The following FBLN1 variants were observed in gnomAD, a reference collection of about 807,000 sequenced individuals.
FBLN1 encodes fibulin 1, also known as fibulin-1.
A neutral mutation model predicts 89.7 loss-of-function variants in FBLN1; 34 were observed. That is an observed-to-expected ratio of 0.38 (90% CI 0.29 to 0.50). The LOEUF is 0.50. Ranked by LOEUF, FBLN1 falls within the 20% of genes least tolerant of loss-of-function variation. The pLI is 0.92. For missense variants in FBLN1, 777 were observed against 988.1 expected (o/e 0.79, Z 2.86); for synonymous variants, 393 against 391.3 (o/e 1.00, Z -0.05).
intron 8 of FBLN1, among the ~76,000 whole-genome samples, chr22:45,540,467 T>C (rs1018209535): frequency 3.3e-5 from 5 of 152,132 alleles, no homozygotes; most frequent in Admixed American, 2.6e-4. Context: ...TGACTTACGC[T>C]CAGGGGTCTT....
chr22:45,588,813 C>CAA lies in FBLN1; in HGVS notation c.1973-11480_1973-11479dup, dbSNP rs10714602. ...GTAGAGGCATGTTGTGCAAAATTAG[C>CAA]AAAAAAAAAAAAAAAGGAATGACGA... On this transcript the variant is annotated intron_variant, in intron 16 of 16. Coordinates refer to ENST00000327858, the MANE Select transcript of FBLN1 (RefSeq NM_006486.3). The surrounding 1 kb of genome is among the most constrained non-coding windows in gnomAD (Gnocchi z 5.1). Among the ~76,000 whole-genome samples the CAA allele has an allele frequency of 0.15, 21,070 of 138,610 alleles. 2,035 individuals carry two copies. Among genetic ancestry groups the CAA allele is most frequent in the African/African-American group, 0.27 (10,319 of 38,008 alleles). 90.9% of individuals were successfully genotyped at this position (138,610 alleles called of 152,430 possible).
Position 45,600,556 on chromosome 22 carries a change from T to C in FBLN1, c.*110T>C. ...TCAGACTTTTTTAATGTTAGGTATT[T>C]GTAGCATTAGGCCAACATGTATTAA... On this transcript the variant is annotated 3_prime_UTR_variant, in exon 17 of 17. Transcript: ENST00000327858. 7.9e-7 allele frequency: 1 copy of C among 1,269,166 alleles called. No homozygotes were observed. Among genetic ancestry groups the C allele is most frequent in the Non-Finnish European group, 1.2e-6 (1 of 868,110 alleles). 78.6% of individuals were successfully genotyped at this position (1,269,166 alleles called of 1,614,324 possible).
At position 45,574,950 on chromosome 22, in the gene FBLN1, C is replaced by T. The variant is rs1184199963; in HGVS notation, c.1840+297C>T. On this transcript the variant is annotated intron_variant, in intron 15 of 16. Coordinates refer to ENST00000327858, the MANE Select transcript of FBLN1 (RefSeq NM_006486.3). This position sits in a 1 kb window ranked among gnomAD's most constrained non-coding sequence, Gnocchi z 4.1. ...GCGCCCGCCACCACGCCTGGCTAAT[C>T]TTTTTGTATTTTTAGTAAAGACGGG... Among the ~76,000 whole-genome samples the T allele has an allele frequency of 6.6e-6, 1 of 151,712 alleles. No homozygotes were observed. The highest frequency in any genetic ancestry group is 1.5e-5 in the Non-Finnish European group (1 of 67,914).
rs1402227806 is a variant in FBLN1, at chr22:45,557,103, GCT to G, written c.1697+6489_1697+6490del. Among the ~76,000 whole-genome samples, 1 of 152,138 alleles carries G rather than the reference GCT, an allele frequency of 6.6e-6. No homozygotes were observed. Among genetic ancestry groups the G allele is most frequent in the Non-Finnish European group, 1.5e-5 (1 of 68,036 alleles). On this transcript the variant is annotated intron_variant, in intron 14 of 16. Coordinates refer to ENST00000327858, the MANE Select transcript of FBLN1 (RefSeq NM_006486.3). This position sits in a 1 kb window ranked among gnomAD's most constrained non-coding sequence, Gnocchi z 4.9. ...ATTCCACTATCCTATCAATCTACCT[GCT>G]TCACGACGATGGGGAACATGGTAAA...
chr22:45,544,210 C>T (rs924586883), intron 11 of FBLN1, among the ~76,000 whole-genome samples: 2 of 152,156 alleles, frequency 1.3e-5, no homozygotes, highest in Admixed American at 1.3e-4. Flanking sequence ...CCTCAGCCTC[C>T]CGAATAGCTG....
At chr22:45,558,977 T>A (rs920660026) in intron 14 of FBLN1, among the ~76,000 whole-genome samples, 1 of 152,248 alleles carries the variant, frequency 6.6e-6, no homozygotes, top group African/African-American at 2.4e-5. Flanking sequence ...GCGTGATATC[T>A]TGCAGAAGCG....
At position 45,561,046 on chromosome 22, in the gene FBLN1, A is replaced by G. The variant is rs1306645498; in HGVS notation, c.1697+10431A>G. On this transcript the variant is annotated intron_variant, in intron 14 of 16. Coordinates refer to ENST00000327858, the MANE Select transcript of FBLN1 (RefSeq NM_006486.3). The surrounding 1 kb of genome is among the most constrained non-coding windows in gnomAD (Gnocchi z 4.7). The stretch of plus-strand genomic sequence containing the variant: ...CTGTTTCTTCTGGCAAAAAAGATTC[A>G]TCAGAGTTTATAAACTCAGTGTCCC... 1.3e-5 allele frequency among the ~76,000 whole-genome samples: 2 copies of G among 152,188 alleles called. No homozygotes were observed. Among genetic ancestry groups the G allele is most frequent in the Non-Finnish European group, 2.9e-5 (2 of 68,028 alleles).
chr22:45,586,535 T>A (rs554215747), intron 16 of FBLN1, among the ~76,000 whole-genome samples: 1 of 152,346 alleles, frequency 6.6e-6, no homozygotes, highest in East Asian at 1.9e-4. Flanking sequence ...AAGCCAAACT[T>A]GAGACGTCTG....
rs1178992991 is a variant in FBLN1, at chr22:45,530,392, G to T, written c.485-873G>T. Among the ~76,000 whole-genome samples, 3 of 151,808 alleles carry T rather than the reference G, an allele frequency of 2.0e-5. No individual in the cohort carries two copies. Among genetic ancestry groups the T allele is most frequent in the Non-Finnish European group, 4.4e-5 (3 of 67,952 alleles). On this transcript the variant is annotated intron_variant, in intron 4 of 16. Coordinates refer to ENST00000327858, the MANE Select transcript of FBLN1 (RefSeq NM_006486.3). This position sits in a 1 kb window ranked among gnomAD's most constrained non-coding sequence, Gnocchi z 5.4. ...TCAGTCCTTGCCCCAGACTATCCTC[G>T]CATGCTCCCTCCTCTGGGAGGGCTT...
Position 45,545,356 on chromosome 22 carries a change from G to A in FBLN1, c.1322-1729G>A, listed in dbSNP as rs563581822. Among the ~76,000 whole-genome samples the A allele has an allele frequency of 6.6e-6, 1 of 152,276 alleles. No individual in the cohort carries two copies. The highest frequency in any genetic ancestry group is 1.5e-5 in the Non-Finnish European group (1 of 68,028). ...CCATAGGGGGTTGTGAGGATGAAACGAGATTAAGCATGTGAAGAGCTTATC... is the reference window on the plus strand; with the variant it reads ...CCATAGGGGGTTGTGAGGATGAAACAAGATTAAGCATGTGAAGAGCTTATC... On this transcript the variant is annotated intron_variant, in intron 11 of 16. Transcript: ENST00000327858. This position sits in a 1 kb window ranked among gnomAD's most constrained non-coding sequence, Gnocchi z 5.9.
chr22:45,557,100 C>T lies in FBLN1; in HGVS notation c.1697+6485C>T, dbSNP rs1325150829. On this transcript the variant is annotated intron_variant, in intron 14 of 16. Transcript: ENST00000327858. The surrounding 1 kb of genome is among the most constrained non-coding windows in gnomAD (Gnocchi z 4.9). ...GCCATTCCACTATCCTATCAATCTACCTGCTTCACGACGATGGGGAACATG... is the reference window on the plus strand; with the variant it reads ...GCCATTCCACTATCCTATCAATCTATCTGCTTCACGACGATGGGGAACATG... 6.6e-6 allele frequency among the ~76,000 whole-genome samples: 1 copy of T among 152,186 alleles called. No homozygotes were observed. Among genetic ancestry groups the T allele is most frequent in the Admixed American group, 6.5e-5 (1 of 15,286 alleles).
chr22:45,525,277 A>C (rs2088310353), intron 2 of FBLN1, among the ~76,000 whole-genome samples: 1 of 152,234 alleles, frequency 6.6e-6, no homozygotes, highest in South Asian at 2.1e-4. Flanking sequence ...CTGGTCTCGA[A>C]TTCCTGGGCT....
rs758296180 is a variant in FBLN1 at position 45,531,362 on chromosome 22, C to T, written c.544+38C>T. ...CGTCTCCCATCAGTTGGTATTTAAA[C>T]AAACCCCAAGGGGCCAGCAAGGTGG... is the stretch of plus-strand genomic sequence containing the variant. On this transcript the variant is annotated intron_variant, in intron 5 of 16. Coordinates refer to ENST00000327858, the MANE Select transcript of FBLN1 (RefSeq NM_006486.3). The surrounding 1 kb of genome is among the most constrained non-coding windows in gnomAD (Gnocchi z 4.9). 3.1e-6 allele frequency: 5 copies of T among 1,593,046 alleles called. No individual in the cohort carries two copies. In the African/African-American group the frequency reaches 6.7e-5, roughly 21 times the overall value.
chr22:45,525,123 A>G (rs1038668381), intron 2 of FBLN1, among the ~76,000 whole-genome samples: 3 of 126,400 alleles, frequency 2.4e-5, no homozygotes, highest in Admixed American at 8.1e-5. Flanking sequence ...GAGAGAGAGA[A>G]AGAAAAACAG....
At chr22:45,573,182 C>A (rs556888986) in intron 14 of FBLN1, among the ~76,000 whole-genome samples, 4 of 149,772 alleles carry the variant, frequency 2.7e-5, no homozygotes, top group Non-Finnish European at 5.9e-5. Flanking sequence ...GCTGAGATTG[C>A]GCCATTGTAC....
chr22:45,526,079 C>T (rs888703190), intron 3 of FBLN1, among the ~76,000 whole-genome samples: 1 of 152,188 alleles, frequency 6.6e-6, no homozygotes, highest in Non-Finnish European at 1.5e-5. Flanking sequence ...CCCACAGACT[C>T]GTCAGGGTCC....
rs1483125691 is a variant in FBLN1, at chr22:45,580,304, G to T, written c.1972+3196G>T. ...TGAGCCTCCTGGGCAGCCCCGTGCA[G>T]CTCTGTGCTGCCTGCAGCACACGGC... On this transcript the variant is annotated intron_variant, in intron 16 of 16. Transcript: ENST00000327858. This position sits in a 1 kb window ranked among gnomAD's most constrained non-coding sequence, Gnocchi z 8.6. 6.6e-6 allele frequency among the ~76,000 whole-genome samples: 1 copy of T among 152,158 alleles called. No homozygotes were observed. Among genetic ancestry groups the T allele is most frequent in the Admixed American group, 6.5e-5 (1 of 15,286 alleles).
intron 1 of FBLN1, among the ~76,000 whole-genome samples, chr22:45,507,808 G>A (rs924527205): frequency 6.6e-6 from 1 of 152,160 alleles, no homozygotes; most frequent in Non-Finnish European, 1.5e-5. Flanking sequence ...GATTACAGGC[G>A]TGAGCCACTG....
Position 45,580,625 on chromosome 22 carries a change from G to A in FBLN1, c.1972+3517G>A, listed in dbSNP as rs112255286. Among the ~76,000 whole-genome samples, 14 of 152,248 alleles carry A rather than the reference G, an allele frequency of 9.2e-5. No homozygotes were observed. The highest frequency in any genetic ancestry group is 2.4e-4 in the African/African-American group (10 of 41,480). On this transcript the variant is annotated intron_variant, in intron 16 of 16. Coordinates refer to ENST00000327858, the MANE Select transcript of FBLN1 (RefSeq NM_006486.3). The surrounding 1 kb of genome is among the most constrained non-coding windows in gnomAD (Gnocchi z 8.6). ...GGCCACTCAGAGCTGGGGCCAGAGC[G>A]GGCCTGGAGCCCGGTCTTCCCCAGA...
Sources: gnomAD v4.1 joint callset for allele counts (sites outside exome capture counted in the v4.1 genomes callset) on GRCh38, gnomAD v4.1.1 for gene constraint, Gnocchi (gnomAD v3.1) non-coding constraint, MANE v1.5 for transcripts, NCBI Gene and HGNC (gene_info 2026-07-23, HGNC 2026-07-21) for gene names.